Variants in DZANK1 observed in about 807,000 individuals in gnomAD.
DZANK1 encodes double zinc ribbon and ankyrin repeat domains 1.
DZANK1 carries 91 observed loss-of-function variants against 94.5 expected under a neutral mutation model. The ratio of observed to expected loss-of-function variants is 0.96; its 90% CI spans 0.81 to 1.15. The LOEUF (loss-of-function observed/expected upper bound fraction) is 1.15. Among genes scored for constraint, DZANK1 ranks in the 50% most tolerant of loss-of-function variants. The probability of loss-of-function intolerance (pLI) is 0.00; values close to 1 mark genes in which losing one functional copy is unlikely to be tolerated. For missense variants in DZANK1, 903 were observed against 916.4 expected (o/e 0.99, Z 0.19); for synonymous variants, 312 against 325.3 (o/e 0.96, Z 0.44).
chr20:18,389,438 A>G (rs936857758), intron 19 of DZANK1, among the ~76,000 whole-genome samples: 8 of 152,378 alleles, frequency 5.3e-5, no homozygotes, highest in Admixed American at 2.0e-4. Context: ...CCCACACAGT[A>G]TAAGTTTATG....
At chr20:18,447,099 T>G (rs117051230) in intron 7 of DZANK1, among the ~76,000 whole-genome samples, 2,068 of 152,262 alleles carry the variant, frequency 0.014, 28 homozygotes, top group Non-Finnish European at 0.022. Flanking sequence ...TCTCAATAAA[T>G]AGAAAAAATG....
chr20:18,398,022 T>C (rs2056448227), intron 14 of DZANK1, among the ~76,000 whole-genome samples: 1 of 152,098 alleles, frequency 6.6e-6, no homozygotes. Context: ...ATTCTACCAT[T>C]TGAGGGGAAG....
chr20:18,444,854 G>A (rs2058823455), intron 7 of DZANK1, among the ~76,000 whole-genome samples: 1 of 152,090 alleles, frequency 6.6e-6, no homozygotes, highest in Admixed American at 6.6e-5. Context: ...AGATTGGAGT[G>A]CAGTGGCATG....
chr20:18,450,109 T>TAAATAAACAAAC (rs1460162536), intron 6 of DZANK1, among the ~76,000 whole-genome samples: 26 of 94,432 alleles, frequency 2.8e-4, no homozygotes, highest in African/African-American at 7.0e-4. Flanking sequence ...AATAAATAAA[T>TAAATAAACAAAC]AAACAAACAA....
At chr20:18,455,451 T>C (rs1349971635) in intron 3 of DZANK1, 90 bp from the exon 4 acceptor site, 6 of 788,468 alleles carry the variant, frequency 7.6e-6, no homozygotes, top group Non-Finnish European at 1.0e-5. Flanking sequence ...TAAAGTGCCT[T>C]AGTCTAGCTA....
At chr20:18,433,812 G>A (rs371035700) in intron 8 of DZANK1, 47 bp from the exon 9 acceptor site, 2 of 1,503,706 alleles carry the variant, frequency 1.3e-6, no homozygotes, top group Middle Eastern at 1.7e-4. Flanking sequence ...AAAACTGAAG[G>A]TATGAATAGA....
At chr20:18,409,470 C>A (rs1019189178) in intron 13 of DZANK1, among the ~76,000 whole-genome samples, 1 of 151,750 alleles carries the variant, frequency 6.6e-6, no homozygotes, top group Non-Finnish European at 1.5e-5. Context: ...ACAGAGAATT[C>A]ATTGCTAGCA....
At chr20:18,444,742 T>TA (rs398121237) in intron 7 of DZANK1, among the ~76,000 whole-genome samples, 46 of 152,186 alleles carry the variant, frequency 3.0e-4, no homozygotes, top group African/African-American at 9.9e-4. Flanking sequence ...TGGTTTTTTT[T>TA]AAAAAGCTAG....
chr20:18,411,057 G>A (rs183914660), intron 13 of DZANK1, among the ~76,000 whole-genome samples: 70 of 152,288 alleles, frequency 4.6e-4, no homozygotes, highest in Non-Finnish European at 8.7e-4. Flanking sequence ...TCTGAAGAAA[G>A]ATCTCAAAAT....
chr20:18,440,276 C>T lies in DZANK1; in HGVS notation c.747+3071G>A, dbSNP rs192872566. ...TATACCTGGGAAACTTCTGCTATCC[C>T]AATCTCATTAAACACAGGCCACTAC... On this transcript the variant is annotated intron_variant, in intron 8 of 20. Transcript: ENST00000262547. Among the ~76,000 whole-genome samples the T allele has an allele frequency of 1.2e-3, 177 of 152,290 alleles. 2 individuals are homozygous for T. Among genetic ancestry groups the T allele is most frequent in the African/African-American group, 3.9e-3 (163 of 41,558 alleles).
chr20:18,400,878 C>T (rs893515940), intron 13 of DZANK1, among the ~76,000 whole-genome samples: 1 of 152,042 alleles, frequency 6.6e-6, no homozygotes, highest in Non-Finnish European at 1.5e-5. Flanking sequence ...TAAATAAATA[C>T]GTATGTAGGA....
rs752694874 is a variant in DZANK1, at chr20:18,394,289, C to T, written c.1673G>A (p.Gly558Asp). The T allele has an allele frequency of 6.8e-6, 11 of 1,613,816 alleles. No homozygotes were observed. In the South Asian group the frequency reaches 1.2e-4, roughly 18 times the overall value. Residue 558 changes from glycine (G) to aspartate (D), a missense_variant, in exon 16 of 21, where the codon GGT (glycine) becomes GAT (aspartate). Coordinates refer to ENST00000262547, the Ensembl canonical transcript of DZANK1. ...CCTGCTGCCGCACAGCCCCCCATCA[C>T]CCTCGGCAGCACTGCTCAGAAGGTG...
intron 9 of DZANK1, among the ~76,000 whole-genome samples, chr20:18,428,162 A>AG (rs1412353185): frequency 4.6e-5 from 7 of 151,284 alleles, no homozygotes; most frequent in Non-Finnish European, 1.0e-4. Context: ...AAAAAAAAAA[A>AG]AAGAAAGAGA....
At chr20:18,465,212 T>C (rs759671492) in intron 2 of DZANK1, 38 bp downstream of exon 2, 11 of 1,317,738 alleles carry the variant, frequency 8.3e-6, no homozygotes, top group South Asian at 1.3e-5. Context: ...AATATGACAA[T>C]GTTATTTTAA....
chr20:18,414,435 G>T (rs1473950074), exon 12 of DZANK1: 1 of 1,613,902 alleles, frequency 6.2e-7, no homozygotes, highest in African/African-American at 1.3e-5. Context: ...AAATACCACA[G>T]GAGCCACAGA....
chr20:18,428,998 T>C (rs2058174538), intron 9 of DZANK1, among the ~76,000 whole-genome samples: 1 of 152,230 alleles, frequency 6.6e-6, no homozygotes, highest in Non-Finnish European at 1.5e-5. Flanking sequence ...TTGCTCTCAA[T>C]GGTTCCTGAC....
chr20:18,426,103 C>A (rs949452991), intron 10 of DZANK1, among the ~76,000 whole-genome samples: 2 of 152,190 alleles, frequency 1.3e-5, no homozygotes, highest in Non-Finnish European at 2.9e-5. Context: ...TTATCTGTGG[C>A]TTGTTAGGAA....
At chr20:18,402,446 G>C (rs1042443137) in intron 13 of DZANK1, among the ~76,000 whole-genome samples, 1 of 152,048 alleles carries the variant, frequency 6.6e-6, no homozygotes, top group Non-Finnish European at 1.5e-5. Context: ...CAATGGATAA[G>C]GGAATGCCTC....
At chr20:18,394,087 A>G (rs1453897027) in intron 16 of DZANK1, among the ~76,000 whole-genome samples, 167 bp downstream of exon 16, 1 of 152,198 alleles carries the variant, frequency 6.6e-6, no homozygotes, top group Non-Finnish European at 1.5e-5. Flanking sequence ...AAAGGACTTC[A>G]AAAGTCTCAC....
Sources: gnomAD v4.1 joint callset for allele counts (sites outside exome capture counted in the v4.1 genomes callset) on GRCh38, gnomAD v4.1.1 for gene constraint, MANE v1.5 for transcripts, NCBI Gene and HGNC (gene_info 2026-07-23, HGNC 2026-07-21) for gene names.